The following POU1F1 variants were observed in gnomAD, a reference collection of about 807,000 sequenced individuals.
The protein encoded by POU1F1 is pituitary-specific positive transcription factor 1.
A neutral mutation model predicts 32.3 loss-of-function variants in POU1F1; 23 were observed. That is an observed-to-expected ratio of 0.71 (90% CI 0.51 to 1.01). The LOEUF is 1.01. Among genes scored for constraint, POU1F1 ranks in the 50% least tolerant of loss-of-function variants. The probability of loss-of-function intolerance (pLI) is 0.00; values close to 1 mark genes in which losing one functional copy is unlikely to be tolerated. For synonymous variants in POU1F1, 120 were observed against 115.6 expected, an observed-to-expected ratio of 1.04 and a Z score of -0.25; for missense variants, 323 against 341.6, an observed-to-expected ratio of 0.95 and a Z score of 0.43.
chr3:87,273,913 A>G (rs1706776286), intron 1 of POU1F1, among the ~76,000 whole-genome samples: 1 of 152,142 alleles, frequency 6.6e-6, no homozygotes, highest in African/African-American at 2.4e-5. Context: ...TGAACAGCGT[A>G]TTTTTGCTTA....
At chr3:87,267,679 C>T (rs974881002) in intron 2 of POU1F1, among the ~76,000 whole-genome samples, 5 of 151,632 alleles carry the variant, frequency 3.3e-5, no homozygotes, top group Non-Finnish European at 7.4e-5. Context: ...AAAATCTTAG[C>T]TCATTGCAAT....
intron 3 of POU1F1, among the ~76,000 whole-genome samples, chr3:87,263,325 C>T (rs747600922): frequency 4.6e-5 from 7 of 152,058 alleles, no homozygotes; most frequent in African/African-American, 9.7e-5. Flanking sequence ...TTTGACCTGT[C>T]TGATTTGCAA....
intron 2 of POU1F1, among the ~76,000 whole-genome samples, chr3:87,272,145 A>G (rs1706738559): frequency 6.6e-6 from 1 of 151,926 alleles, no homozygotes; most frequent in Admixed American, 6.6e-5. Context: ...GATTTCCCTA[A>G]TAAGTGATTC....
rs1131815 is a variant in POU1F1, at chr3:87,260,091, C to A, written c.679G>T (p.Asp227Tyr). ...RRTTISIAAKDALERHFGEQN... is the reference protein window; with the variant it reads ...RRTTISIAAKYALERHFGEQN... ...TCTCCAAAGTGTCTCTCCAGAGCAT[C>A]TTTAGCAGCAATGCTGGCGGGGGGT... is the stretch of plus-strand genomic sequence containing the variant. The change falls in exon 6 of 6, where the codon GAT (aspartate) becomes TAT (tyrosine). Residue 227 changes from aspartate to tyrosine, a missense_variant. Transcript: ENST00000350375. 1.2e-6 allele frequency: 2 copies of A among 1,613,544 alleles called. No homozygotes were observed. The highest frequency in any genetic ancestry group is 1.7e-6 in the Non-Finnish European group (2 of 1,179,824).
intron 1 of POU1F1, among the ~76,000 whole-genome samples, chr3:87,274,379 T>C (rs1706789089): frequency 1.3e-5 from 2 of 152,026 alleles, no homozygotes; most frequent in African/African-American, 4.8e-5. Flanking sequence ...CTTCATATTC[T>C]GAATATATTG....
chr3:87,273,644 G>A (rs1415959251), intron 1 of POU1F1: 1 of 735,982 alleles, frequency 1.4e-6, no homozygotes, highest in Non-Finnish European at 2.2e-6. Flanking sequence ...GGGGATCAAA[G>A]TTTGTCTCAT....
intron 2 of POU1F1, among the ~76,000 whole-genome samples, chr3:87,267,273 T>C (rs1181143566): frequency 1.3e-5 from 2 of 152,126 alleles, no homozygotes; most frequent in Non-Finnish European, 2.9e-5. Context: ...TCAGGAAAGA[T>C]ATATATTTTT....
chr3:87,269,048 T>A (rs560589528), intron 2 of POU1F1, among the ~76,000 whole-genome samples: 1 of 152,226 alleles, frequency 6.6e-6, no homozygotes. Context: ...CAGAGGGACA[T>A]AGTAAAATAC....
At chr3:87,274,718 T>C (rs922160649) in intron 1 of POU1F1, among the ~76,000 whole-genome samples, 8 of 151,652 alleles carry the variant, frequency 5.3e-5, no homozygotes, top group South Asian at 2.1e-4. Context: ...GTTTCTATAA[T>C]AGTTCCTTAG....
rs114332890 is a variant in POU1F1 at position 87,272,751 on chromosome 3, G to T, written c.214+596C>A. 6.0e-3 allele frequency among the ~76,000 whole-genome samples: 909 copies of T among 152,254 alleles called. 4 individuals are homozygous for T. Among genetic ancestry groups the T allele is most frequent in the African/African-American group, 0.021 (860 of 41,550 alleles). ...AAGCAATTCAGAAAGGGCTGCTAAA[G>T]CCTGAAACAGCTATCACTAAAGCCC... On this transcript the variant is annotated intron_variant, in intron 2 of 5. Transcript: ENST00000350375.
In POU1F1 at chr3:87,276,468, C is replaced by A. The variant is rs762999659; in HGVS notation, c.-6G>T. On this transcript the variant is annotated 5_prime_UTR_variant, in exon 1 of 6. Coordinates refer to ENST00000350375, the MANE Select transcript of POU1F1 (RefSeq NM_000306.4). ...GTAAAAGCTTGGCAACTCATTCCCACAAGAGAGTAGAAAAATAAGGAGAAC... is the reference window on the plus strand; with the variant it reads ...GTAAAAGCTTGGCAACTCATTCCCAAAAGAGAGTAGAAAAATAAGGAGAAC... The A allele has an allele frequency of 6.2e-7, 1 of 1,613,544 alleles. No individual in the cohort carries two copies. Among genetic ancestry groups the A allele is most frequent in the South Asian group, 1.1e-5 (1 of 91,054 alleles).
intron 2 of POU1F1, among the ~76,000 whole-genome samples, chr3:87,268,279 A>T (rs902352247): frequency 6.6e-6 from 1 of 151,350 alleles, no homozygotes; most frequent in East Asian, 1.9e-4. Context: ...TTTATTTATA[A>T]TTTTTTATTT....
chr3:87,261,317 T>A lies in POU1F1; in HGVS notation c.621A>T (p.Lys207Asn). The change falls in exon 5 of 6, where the codon AAA (lysine) becomes AAT (asparagine). Residue 207 changes from lysine (K) to asparagine (N), a missense_variant. Coordinates refer to ENST00000350375, the MANE Select transcript of POU1F1 (RefSeq NM_000306.4). The stretch of plus-strand genomic sequence containing the variant: ...TTCTTTTCCTTTCATTTGCTCCCAC[T>A]TTTTCATTGTACAAAGCTATAATGT... ...AEQVGALYNE[K>N]VGANERKRKR... is the part of the protein sequence containing the mutation. 3 of 1,591,384 alleles carry A rather than the reference T, an allele frequency of 1.9e-6. No homozygotes were observed. The highest frequency in any genetic ancestry group is 2.6e-6 in the Non-Finnish European group (3 of 1,163,728).
rs752117643 is a variant in POU1F1, at chr3:87,259,909, A to G, written c.861T>C (p.His287=). Residue 287 remains histidine (H), a synonymous_variant, in exon 6 of 6, where the codon CAT becomes CAC. Transcript: ENST00000350375. ...TAGAAAAATCTTATCTGCACTCAAG[A>G]TGTTCCTTAGAAATAGAAAATAAAC... The part of the protein sequence containing the change: ...NQSLFSISKE[H]LECR The G allele has an allele frequency of 4.3e-6, 7 of 1,613,832 alleles. No homozygotes were observed. The highest frequency in any genetic ancestry group is 5.9e-6 in the Non-Finnish European group (7 of 1,179,728).
intron 1 of POU1F1, among the ~76,000 whole-genome samples, chr3:87,274,643 A>G (rs911547304): frequency 6.6e-6 from 1 of 151,578 alleles, no homozygotes; most frequent in Non-Finnish European, 1.5e-5. Flanking sequence ...ATTACTGTGC[A>G]TTCCAAAATT....
Position 87,264,303 on chromosome 3 carries a change from TCAC to T in POU1F1, c.421_423del (p.Val141del). The T allele has an allele frequency of 6.2e-7, 1 of 1,611,624 alleles. No individual in the cohort carries two copies. The highest frequency in any genetic ancestry group is 8.5e-7 in the Non-Finnish European group (1 of 1,177,768). On this transcript the variant is annotated inframe_deletion, in exon 3 of 6. Coordinates refer to ENST00000350375, the MANE Select transcript of POU1F1 (RefSeq NM_000306.4). Reference sequence around the variant, plus strand: ...AAGCACATACCTAATTTAATTCGTCTCACTTTAAATTCATTGGCAAACTTTTCA... The same window carrying T: ...AAGCACATACCTAATTTAATTCGTCTTTTAAATTCATTGGCAAACTTTTCA...
chr3:87,271,509 A>G (rs1050374585), intron 2 of POU1F1, among the ~76,000 whole-genome samples: 1 of 152,160 alleles, frequency 6.6e-6, no homozygotes, highest in East Asian at 1.9e-4. Context: ...GAGAGAAACT[A>G]ACAATGTACC....
rs757365762 is a variant in POU1F1 at position 87,261,264 on chromosome 3, A to G, written c.665+9T>C. The G allele has an allele frequency of 4.5e-5, 70 of 1,551,738 alleles. No individual in the cohort carries two copies. Among genetic ancestry groups the G allele is most frequent in the African/African-American group, 1.2e-4 (9 of 73,278 alleles). On this transcript the variant is annotated intron_variant, in intron 5 of 5. Coordinates refer to ENST00000350375, the MANE Select transcript of POU1F1 (RefSeq NM_000306.4). ...TTTGTCCTCTAGTAACTTTTAATATAAAGAATACCTTATAGTTGTTCTTCG... is the reference window on the plus strand; with the variant it reads ...TTTGTCCTCTAGTAACTTTTAATATGAAGAATACCTTATAGTTGTTCTTCG...
rs184264808 is a variant in POU1F1, at chr3:87,267,198, T to C, written c.215-2686A>G. 2.6e-5 allele frequency among the ~76,000 whole-genome samples: 4 copies of C among 152,340 alleles called. No individual in the cohort carries two copies. The East Asian group carries it at 7.7e-4, about 29-fold the overall frequency. On this transcript the variant is annotated intron_variant, in intron 2 of 5. Coordinates refer to ENST00000350375, the MANE Select transcript of POU1F1 (RefSeq NM_000306.4). ...ATTATGTACTGCTACAAATCTTCTA[T>C]GCAACACTTTGTGTCGTGTTAATTT...
Sources: gnomAD v4.1 joint callset for allele counts (sites outside exome capture counted in the v4.1 genomes callset) on GRCh38, gnomAD v4.1.1 for gene constraint, MANE v1.5 for transcripts, NCBI Gene and HGNC (gene_info 2026-07-23, HGNC 2026-07-21) for gene names.